RBFOX1: variants seen among roughly 807,000 people sequenced by gnomAD.
RBFOX1 encodes the protein RNA binding fox-1 homolog 1, also known as RNA binding protein fox-1 homolog 1.
In RBFOX1, 8 loss-of-function variants were observed where a neutral mutation model predicts 57.7. That is an observed-to-expected ratio of 0.14 (90% CI 0.08 to 0.25). The LOEUF is 0.25. Among genes scored for constraint, RBFOX1 ranks in the 10% least tolerant of loss-of-function variants. The pLI, the probability that RBFOX1 is intolerant of heterozygous loss-of-function variation, is 1.00. For synonymous variants in RBFOX1, 326 were observed against 222.4 expected (o/e 1.47, Z -4.15); for missense variants, 611 against 548.5 (o/e 1.11, Z -1.14).
chr16:6,055,816 A>G (rs1050601964), intron 1 of RBFOX1, among the ~76,000 whole-genome samples: 24 of 152,156 alleles, frequency 1.6e-4, no homozygotes. Context: ...TTATTATAGA[A>G]CACTTGGCAA....
chr16:6,821,789 T>G (rs1603628915), intron 3 of RBFOX1, among the ~76,000 whole-genome samples: 1 of 152,224 alleles, frequency 6.6e-6, no homozygotes. Context: ...ACATTTGGGT[T>G]GTTTCCATTT....
At chr16:6,627,266 G>A (rs765374363) in intron 2 of RBFOX1, among the ~76,000 whole-genome samples, 18 of 152,180 alleles carry the variant, frequency 1.2e-4, no homozygotes, top group African/African-American at 7.2e-5. Flanking sequence ...TCTAGAAGGC[G>A]GGGCCCTGAA....
At chr16:6,983,031 A>T (rs1355097851) in intron 3 of RBFOX1, among the ~76,000 whole-genome samples, 2 of 150,258 alleles carry the variant, frequency 1.3e-5, no homozygotes, top group Admixed American at 6.6e-5. Context: ...AAGGTGTCGA[A>T]CTGAGGCTCG....
intron 2 of RBFOX1, among the ~76,000 whole-genome samples, chr16:6,595,958 A>G (rs1270479472): frequency 6.6e-6 from 1 of 151,986 alleles, no homozygotes; most frequent in African/African-American, 2.4e-5. Context: ...ATTAAGTTTT[A>G]TATAAGGGTT....
At chr16:5,588,455 C>T (rs1596356146) in intron 2 of RBFOX1, among the ~76,000 whole-genome samples, 1 of 152,182 alleles carries the variant, frequency 6.6e-6, no homozygotes, top group African/African-American at 2.4e-5. Flanking sequence ...TGTATTGAAG[C>T]ACATAGTAAA....
chr16:6,231,303 G>T (rs1233250095), intron 1 of RBFOX1, among the ~76,000 whole-genome samples: 3 of 151,624 alleles, frequency 2.0e-5, no homozygotes, highest in Non-Finnish European at 4.4e-5. Flanking sequence ...AGGTCTAAGG[G>T]ATATGTTGAA....
chr16:5,455,558 C>T (rs2068604168), intron 1 of RBFOX1, among the ~76,000 whole-genome samples: 1 of 152,166 alleles, frequency 6.6e-6, no homozygotes, highest in Non-Finnish European at 1.5e-5. Context: ...CCTAAGGTAA[C>T]CACATACATT....
chr16:5,676,903 C>G (rs893907744), intron 3 of RBFOX1, among the ~76,000 whole-genome samples: 4 of 152,056 alleles, frequency 2.6e-5, no homozygotes, highest in Non-Finnish European at 4.4e-5. Context: ...GCACATAGTA[C>G]TATTCAATAA....
intron 1 of RBFOX1, among the ~76,000 whole-genome samples, chr16:5,464,037 G>T (rs1232310212): frequency 1.3e-5 from 2 of 152,176 alleles, no homozygotes; most frequent in African/African-American, 4.8e-5. Flanking sequence ...CCCCGTGATG[G>T]ACCAGCAGGA....
intron 2 of RBFOX1, among the ~76,000 whole-genome samples, chr16:6,636,496 G>T (rs1021141622): frequency 1.3e-5 from 2 of 151,802 alleles, no homozygotes; most frequent in African/African-American, 4.8e-5. Flanking sequence ...GATTGGGAGT[G>T]CTCAACCTTT....
intron 3 of RBFOX1, among the ~76,000 whole-genome samples, chr16:7,021,892 TTTCTTTTCTTTCTTTC>T (rs1568406840): frequency 2.5e-5 from 3 of 121,604 alleles, no homozygotes; most frequent in African/African-American, 1.1e-4. Context: ...TCTTTCTTTC[TTTCTTTTCTTTCTTTC>T]TTTCTTTTCT....
rs997459627 is a variant in RBFOX1, at chr16:6,798,746, A to G, written c.-16+144096A>G. Among the ~76,000 whole-genome samples, 4 of 152,184 alleles carry G rather than the reference A, an allele frequency of 2.6e-5. No individual in the cohort carries two copies. The South Asian group carries it at 8.3e-4, about 32-fold the overall frequency. On this transcript the variant is annotated intron_variant, in intron 3 of 15. Transcript: ENST00000550418. ...CCCAAGATAATGAAAATAACCCATG[A>G]TAAATGGAACAAATGGAGTAAAAGT...
chr16:7,617,833 T>C (rs2058703537), intron 10 of RBFOX1, among the ~76,000 whole-genome samples: 1 of 152,118 alleles, frequency 6.6e-6, no homozygotes. Context: ...GCCAAAAGAA[T>C]AACAAGGCTC....
chr16:7,042,144 A>T (rs1415337693), intron 3 of RBFOX1, among the ~76,000 whole-genome samples: 1 of 152,216 alleles, frequency 6.6e-6, no homozygotes, highest in Non-Finnish European at 1.5e-5. Flanking sequence ...TTGGAAATTT[A>T]TGTGTTTTAT....
At position 7,651,617 on chromosome 16, in the gene RBFOX1, C is replaced by T. The variant is rs59388666; in HGVS notation, c.758-2198C>T. ...ACGCTTCTACTCCTGAAGCTGATAG[C>T]GGGAAGGGAAGAAGCTCTTCTTGGC... On this transcript the variant is annotated intron_variant, in intron 11 of 15. Coordinates refer to ENST00000550418, the MANE Select transcript of RBFOX1 (RefSeq NM_018723.4). 4.5e-3 allele frequency among the ~76,000 whole-genome samples: 691 copies of T among 152,244 alleles called. 5 individuals carry two copies. The highest frequency in any genetic ancestry group is 0.016 in the African/African-American group (670 of 41,524).
intron 4 of RBFOX1, among the ~76,000 whole-genome samples, chr16:7,259,612 C>G (rs954925477): frequency 1.3e-5 from 2 of 151,936 alleles, no homozygotes; most frequent in Non-Finnish European, 2.9e-5. Context: ...CCAACACTTT[C>G]TCTGTATTTT....
chr16:7,496,466 G>A (rs1269082217), intron 4 of RBFOX1, among the ~76,000 whole-genome samples: 5 of 152,016 alleles, frequency 3.3e-5, no homozygotes, highest in Non-Finnish European at 2.9e-5. Context: ...TTTCAAATGG[G>A]GATAGTGATA....
At chr16:7,209,825 T>A (rs2090761381) in intron 4 of RBFOX1, among the ~76,000 whole-genome samples, 1 of 152,212 alleles carries the variant, frequency 6.6e-6, no homozygotes, top group Non-Finnish European at 1.5e-5. Flanking sequence ...AATAGATGAA[T>A]GAGACAAGAG....
At chr16:5,745,474 G>C (rs543373095) in intron 3 of RBFOX1, among the ~76,000 whole-genome samples, 2 of 152,234 alleles carry the variant, frequency 1.3e-5, no homozygotes, top group Admixed American at 6.5e-5. Context: ...GGGATTGCTG[G>C]GTCAAATGAT....
Sources: gnomAD v4.1 joint callset for allele counts (sites outside exome capture counted in the v4.1 genomes callset) on GRCh38, gnomAD v4.1.1 for gene constraint, MANE v1.5 for transcripts, NCBI Gene and HGNC (gene_info 2026-07-23, HGNC 2026-07-21) for gene names.